The following EEF1AKMT1 variants were observed in gnomAD, a reference collection of about 807,000 sequenced individuals.
EEF1AKMT1 encodes N-6 adenine-specific DNA methyltransferase 2 (putative).
EEF1AKMT1 carries 18 observed loss-of-function variants against 21.0 expected under a neutral mutation model. That is an observed-to-expected ratio of 0.86 (90% CI 0.59 to 1.27). The LOEUF (loss-of-function observed/expected upper bound fraction) is 1.27. EEF1AKMT1 is among the 50% of genes most tolerant of loss of function. The pLI, the probability that EEF1AKMT1 is intolerant of heterozygous loss-of-function variation, is 0.00. For missense variants in EEF1AKMT1, 246 were observed against 258.6 expected (o/e 0.95, Z 0.33); for synonymous variants, 109 against 94.8 (o/e 1.15, Z -0.87).
At chr13:20,761,073 T>C (rs996594668) in intron 1 of EEF1AKMT1, among the ~76,000 whole-genome samples, 3 of 152,228 alleles carry the variant, frequency 2.0e-5, no homozygotes, top group African/African-American at 7.2e-5. Flanking sequence ...ACAGAGCTCG[T>C]GCAGTTCACC....
chr13:20,767,196 C>T (rs2059039260), intron 1 of EEF1AKMT1, among the ~76,000 whole-genome samples: 1 of 150,468 alleles, frequency 6.6e-6, no homozygotes, highest in Middle Eastern at 3.4e-3. Context: ...GTCCCAGCTA[C>T]TCGGGAGGCT....
intron 3 of EEF1AKMT1, among the ~76,000 whole-genome samples, chr13:20,736,056 T>A (rs2058824184): frequency 6.6e-6 from 1 of 151,950 alleles, no homozygotes; most frequent in Admixed American, 6.6e-5. Context: ...GGGAAAGAAA[T>A]AATTTAAGAT....
chr13:20,733,775 A>G (rs975309041), intron 3 of EEF1AKMT1, among the ~76,000 whole-genome samples: 1 of 152,208 alleles, frequency 6.6e-6, no homozygotes, highest in Admixed American at 6.5e-5. Context: ...TTTTCTCACA[A>G]TTCCTTTGTC....
At position 20,765,236 on chromosome 13, in the gene EEF1AKMT1, G is replaced by T. The variant is rs1042754499; in HGVS notation, c.-19-7619C>A. 1.7e-4 allele frequency among the ~76,000 whole-genome samples: 26 copies of T among 152,010 alleles called. No individual in the cohort carries two copies. The East Asian group carries it at 2.9e-3, about 17-fold the overall frequency. ...GATCGTGCCACTGCACTCCAGCCCA[G>T]GCAACAGTGCAAGACTCCAACTCGA... On this transcript the variant is annotated intron_variant, in intron 1 of 4. Transcript: ENST00000382758.
intron 1 of EEF1AKMT1, among the ~76,000 whole-genome samples, chr13:20,759,147 A>G (rs2058985675): frequency 6.6e-6 from 1 of 152,268 alleles, no homozygotes; most frequent in Admixed American, 6.5e-5. Flanking sequence ...AGTAATTGCA[A>G]CAAAATCAAA....
intron 4 of EEF1AKMT1, among the ~76,000 whole-genome samples, chr13:20,730,948 C>T (rs1337353658): frequency 3.9e-5 from 6 of 152,188 alleles, no homozygotes; most frequent in African/African-American, 1.4e-4. Flanking sequence ...AGGTCTGTAA[C>T]ACATACCGCA....
intron 1 of EEF1AKMT1, among the ~76,000 whole-genome samples, chr13:20,773,021 T>C (rs2059070009): frequency 6.6e-6 from 1 of 152,134 alleles, no homozygotes. Flanking sequence ...TCCAAATACT[T>C]TTTATAAATT....
At chr13:20,766,316 G>GA (rs1282859763) in intron 1 of EEF1AKMT1, among the ~76,000 whole-genome samples, 2 of 119,762 alleles carry the variant, frequency 1.7e-5, no homozygotes, top group South Asian at 2.7e-4. Flanking sequence ...AAAAAAAAAA[G>GA]AAAGAAAGAA....
intron 3 of EEF1AKMT1, among the ~76,000 whole-genome samples, chr13:20,736,961 G>A (rs1386749976): frequency 1.3e-5 from 2 of 151,124 alleles, no homozygotes; most frequent in Non-Finnish European, 3.0e-5. Flanking sequence ...CTCAAACTCC[G>A]AACCTCAGGT....
intron 3 of EEF1AKMT1, among the ~76,000 whole-genome samples, 167 bp downstream of exon 3, chr13:20,737,556 G>A (rs9552265): frequency 0.29 from 43,378 of 152,020 alleles, 7,764 homozygotes; most frequent in East Asian, 0.76. Context: ...TTTCTGAGTG[G>A]GTCTCTAAAC....
At chr13:20,754,903 AT>A (rs1249175896) in intron 2 of EEF1AKMT1, among the ~76,000 whole-genome samples, 1 of 50,664 alleles carries the variant, frequency 2.0e-5, no homozygotes, top group Non-Finnish European at 4.6e-5. Flanking sequence ...GAAAAAGAAA[AT>A]TAAAAAAAAA....
At chr13:20,750,408 A>G (rs1223889285) in intron 2 of EEF1AKMT1, among the ~76,000 whole-genome samples, 1 of 152,036 alleles carries the variant, frequency 6.6e-6, no homozygotes, top group Non-Finnish European at 1.5e-5. Flanking sequence ...CCATGACATC[A>G]ACATTTTTAG....
intron 2 of EEF1AKMT1, among the ~76,000 whole-genome samples, chr13:20,739,485 G>A (rs1458188435): frequency 1.3e-5 from 2 of 152,200 alleles, no homozygotes; most frequent in Non-Finnish European, 2.9e-5. Flanking sequence ...ATAGAGAGCT[G>A]ATTGGTCTGT....
chr13:20,771,078 C>T (rs1340481488), intron 1 of EEF1AKMT1, among the ~76,000 whole-genome samples: 1 of 151,952 alleles, frequency 6.6e-6, no homozygotes, highest in Non-Finnish European at 1.5e-5. Flanking sequence ...CGTCATGTTG[C>T]CCAGGCTGGT....
intron 2 of EEF1AKMT1, among the ~76,000 whole-genome samples, chr13:20,739,543 A>G (rs1050657983): frequency 1.5e-4 from 23 of 152,298 alleles, no homozygotes; most frequent in African/African-American, 5.3e-4. Context: ...AGCTAGACAC[A>G]GAGTGCTGAT....
rs34574835 is a variant in EEF1AKMT1, at chr13:20,764,880, A to AACACACACACACAC, written c.-19-7277_-19-7264dup. ...ATATTTTCCCCTTCCTTTCACTTTC[A>AACACACACACACAC]ACACACACACACACACACACACACA... On this transcript the variant is annotated intron_variant, in intron 1 of 4. Transcript: ENST00000382758. 2.2e-3 allele frequency among the ~76,000 whole-genome samples: 304 copies of AACACACACACACAC among 139,886 alleles called. 1 individual carries two copies. Among genetic ancestry groups the AACACACACACACAC allele is most frequent in the East Asian group, 0.014 (65 of 4,564 alleles). 91.8% of individuals were successfully genotyped at this position (139,886 alleles called of 152,430 possible).
At chr13:20,738,094 T>C (rs2058836594) in intron 2 of EEF1AKMT1, among the ~76,000 whole-genome samples, 1 of 152,162 alleles carries the variant, frequency 6.6e-6, no homozygotes, top group South Asian at 2.1e-4. Flanking sequence ...CGATAGAACA[T>C]ACCCCTACCT....
chr13:20,770,581 G>A (rs972610209), intron 1 of EEF1AKMT1, among the ~76,000 whole-genome samples: 3 of 152,164 alleles, frequency 2.0e-5, no homozygotes, highest in Admixed American at 6.5e-5. Flanking sequence ...AGATTAGCTT[G>A]TGTGCATGCT....
chr13:20,730,486 TTG>T (rs1225293351), intron 4 of EEF1AKMT1, among the ~76,000 whole-genome samples: 5 of 152,022 alleles, frequency 3.3e-5, no homozygotes, highest in Non-Finnish European at 7.4e-5. Flanking sequence ...GACGGGTCAG[TTG>T]GTAAGGTTTC....
Sources: allele counts gnomAD v4.1 joint callset (sites outside exome capture counted in the v4.1 genomes callset), GRCh38; gene constraint gnomAD v4.1.1; transcripts MANE v1.5; gene names NCBI Gene and HGNC (gene_info 2026-07-23, HGNC 2026-07-21).